The following LRBA variants were observed in gnomAD, a reference collection of about 807,000 sequenced individuals.
LRBA encodes lipopolysaccharide-responsive and beige-like anchor protein.
A neutral mutation model predicts 330.0 loss-of-function variants in LRBA; 176 were observed. That is an observed-to-expected ratio of 0.53 (90% CI 0.47 to 0.60). The LOEUF (loss-of-function observed/expected upper bound fraction) is 0.60. Ranked by LOEUF, LRBA falls within the 20% of genes least tolerant of loss-of-function variation. The probability of loss-of-function intolerance (pLI) is 0.00; values close to 1 mark genes in which losing one functional copy is unlikely to be tolerated. For synonymous variants in LRBA, 1,230 were observed against 1,193.0 expected, an observed-to-expected ratio of 1.03 and a Z score of -0.64; for missense variants, 3,259 against 3,444.8, an observed-to-expected ratio of 0.95 and a Z score of 1.35.
At chr4:150,877,572 A>G (rs926371197) in intron 17 of LRBA, among the ~76,000 whole-genome samples, 6 of 152,244 alleles carry the variant, frequency 3.9e-5, no homozygotes, top group Admixed American at 3.9e-4. Flanking sequence ...ACAGTCACAC[A>G]ATATTAGTGG....
chr4:150,923,846 T>A (rs148882525), intron 4 of LRBA, among the ~76,000 whole-genome samples: 2 of 152,334 alleles, frequency 1.3e-5, no homozygotes, highest in East Asian at 3.9e-4. Context: ...TTTTTATAGA[T>A]GATATAAATT....
rs527990097 is a variant in LRBA, at chr4:150,830,090, A to G, written c.4730-1469T>C. Among the ~76,000 whole-genome samples, 129 of 152,312 alleles carry G rather than the reference A, an allele frequency of 8.5e-4. No homozygotes were observed. The Middle Eastern group carries it at 0.01, about 12-fold the overall frequency. On this transcript the variant is annotated intron_variant, in intron 29 of 56. Coordinates refer to ENST00000651943, the MANE Select transcript of LRBA (RefSeq NM_001364905.1). ...TAACCTCTTGCCTGGATTACTGATT[A>G]CTGCAATATCCTCCTTCCTAACTGT...
intron 47 of LRBA, among the ~76,000 whole-genome samples, chr4:150,393,476 TTCCC>T (rs1286525450): frequency 2.0e-5 from 3 of 151,410 alleles, no homozygotes; most frequent in South Asian, 2.1e-4. Flanking sequence ...TTCCCTCCCT[TTCCC>T]TCCCTCCCTC....
intron 46 of LRBA, among the ~76,000 whole-genome samples, chr4:150,433,475 C>T (rs1394965858): frequency 6.6e-6 from 1 of 152,084 alleles, no homozygotes; most frequent in Non-Finnish European, 1.5e-5. Flanking sequence ...AAGATACCTA[C>T]TATTGCTATT....
intron 44 of LRBA, among the ~76,000 whole-genome samples, chr4:150,444,200 G>A (rs1280829478): frequency 6.6e-6 from 1 of 151,924 alleles, no homozygotes; most frequent in Non-Finnish European, 1.5e-5. Context: ...TGTCACCAAA[G>A]TTTATTGCCT....
intron 42 of LRBA, 52 bp from the exon 43 acceptor site, chr4:150,471,791 A>C (rs78153031): frequency 2.4e-6 from 2 of 837,850 alleles, no homozygotes; most frequent in Non-Finnish European, 4.0e-6. Flanking sequence ...ACAATAATAA[A>C]TCATGAATTA....
At chr4:150,716,587 A>C (rs1728231519) in intron 36 of LRBA, among the ~76,000 whole-genome samples, 1 of 152,202 alleles carries the variant, frequency 6.6e-6, no homozygotes, top group Non-Finnish European at 1.5e-5. Flanking sequence ...TATATTAAAA[A>C]ATACTTCATT....
intron 50 of LRBA, among the ~76,000 whole-genome samples, chr4:150,319,411 G>C (rs1233409030): frequency 6.6e-6 from 1 of 152,140 alleles, no homozygotes; most frequent in East Asian, 1.9e-4. Flanking sequence ...CGCACATAGA[G>C]TAGGTAAATC....
chr4:150,654,079 C>T (rs143925826), intron 37 of LRBA, among the ~76,000 whole-genome samples: 1 of 152,078 alleles, frequency 6.6e-6, no homozygotes, highest in Admixed American at 6.5e-5. Flanking sequence ...TAATTTATTT[C>T]CTTTGGCTTC....
intron 34 of LRBA, among the ~76,000 whole-genome samples, chr4:150,778,359 C>A (rs1313263100): frequency 6.6e-6 from 1 of 152,012 alleles, no homozygotes; most frequent in Non-Finnish European, 1.5e-5. Context: ...ATGGCATTCA[C>A]AAAATATATA....
At chr4:150,361,240 AT>A (rs1202776477) in intron 47 of LRBA, among the ~76,000 whole-genome samples, 1 of 152,140 alleles carries the variant, frequency 6.6e-6, no homozygotes. Flanking sequence ...CTCTTTCTGC[AT>A]TTTCGATTAA....
chr4:150,609,749 G>C (rs1000076192), intron 37 of LRBA, among the ~76,000 whole-genome samples: 1 of 152,148 alleles, frequency 6.6e-6, no homozygotes, highest in Non-Finnish European at 1.5e-5. Context: ...GAATTAGAGA[G>C]CTAGGATGGC....
intron 46 of LRBA, among the ~76,000 whole-genome samples, chr4:150,434,791 A>G (rs1168830133): frequency 6.6e-6 from 1 of 151,474 alleles, no homozygotes; most frequent in Non-Finnish European, 1.5e-5. Flanking sequence ...GTCGAGGTTG[A>G]GGCTACAGTG....
At chr4:150,934,306 C>T (rs537193629) in intron 2 of LRBA, among the ~76,000 whole-genome samples, 71 of 152,298 alleles carry the variant, frequency 4.7e-4, no homozygotes, top group African/African-American at 1.7e-3. Flanking sequence ...CTCATACTTA[C>T]ATATTGAGGC....
At chr4:150,749,923 C>T (rs539775529) in intron 35 of LRBA, among the ~76,000 whole-genome samples, 24 of 152,296 alleles carry the variant, frequency 1.6e-4, no homozygotes, top group South Asian at 6.2e-4. Flanking sequence ...CATTCCCAAG[C>T]CTTACTCTTT....
chr4:150,548,405 C>A (rs1258000520), intron 40 of LRBA, among the ~76,000 whole-genome samples: 2 of 152,108 alleles, frequency 1.3e-5, no homozygotes, highest in Non-Finnish European at 2.9e-5. Context: ...AGTGCCAAAC[C>A]TGCTATCTAA....
chr4:150,923,303 C>T (rs764240415), intron 4 of LRBA, among the ~76,000 whole-genome samples: 5 of 151,972 alleles, frequency 3.3e-5, no homozygotes, highest in Non-Finnish European at 7.4e-5. Context: ...CTCTCCCCTT[C>T]TCCCTGCACT....
At chr4:150,735,398 A>C (rs1731053953) in intron 35 of LRBA, 32 bp from the exon 36 acceptor site, 1 of 1,283,972 alleles carries the variant, frequency 7.8e-7, no homozygotes, top group Admixed American at 1.7e-5. Context: ...AAATAAATAT[A>C]TGTATACACA....
In LRBA at chr4:150,639,817, GTGTATATATATATATATATATATATATA is replaced by G. The variant is rs1778446134; in HGVS notation, c.5922-40714_5922-40687del. On this transcript the variant is annotated intron_variant, in intron 37 of 56. Coordinates refer to ENST00000651943, the MANE Select transcript of LRBA (RefSeq NM_001364905.1). ...TATATATATATATATGTGTGTGTGT[GTGTATATATATATATATATATATATATA>G]TATATATATATATATATATATATAT... 1.7e-3 allele frequency among the ~76,000 whole-genome samples: 9 copies of G among 5,370 alleles called. 1 individual carries two copies. The South Asian group carries it at 0.048, about 29-fold the overall frequency. 3.5% of individuals were successfully genotyped at this position (5,370 alleles called of 152,430 possible).
Sources: allele counts gnomAD v4.1 joint callset (sites outside exome capture counted in the v4.1 genomes callset), GRCh38; gene constraint gnomAD v4.1.1; transcripts MANE v1.5; gene names NCBI Gene and HGNC (gene_info 2026-07-23, HGNC 2026-07-21).